ZC3H4: variants seen among roughly 807,000 people sequenced by gnomAD.
ZC3H4 encodes zinc finger CCCH-type containing 4.
ZC3H4 carries 13 observed loss-of-function variants against 108.3 expected under a neutral mutation model. The ratio of observed to expected loss-of-function variants is 0.12; its 90% CI spans 0.08 to 0.19. ZC3H4 has a LOEUF of 0.19. Among genes scored for constraint, ZC3H4 ranks in the 10% least tolerant of loss-of-function variants. The pLI is 1.00. For missense variants in ZC3H4, 1,734 were observed against 1,838.8 expected, an observed-to-expected ratio of 0.94 and a Z score of 1.04; for synonymous variants, 917 against 749.6, an observed-to-expected ratio of 1.22 and a Z score of -3.65.
At position 47,081,522 on chromosome 19, in the gene ZC3H4, G is replaced by C; in HGVS notation, c.1431C>G (p.Leu477=). Residue 477 remains leucine, a synonymous_variant, in exon 11 of 15, where the codon CTC becomes CTG. Coordinates refer to ENST00000253048, the MANE Select transcript of ZC3H4 (RefSeq NM_015168.2). ...TACCCCCGGACATTACCTTATCCAAGAGCTCCCTCGTCTCTTCGGTCAGAG... is the reference window on the plus strand; with the variant it reads ...TACCCCCGGACATTACCTTATCCAACAGCTCCCTCGTCTCTTCGGTCAGAG... The part of the protein sequence containing the change: ...HDPLTEETRE[L]LDKMLADDAE... 1 of 1,614,182 alleles carries C rather than the reference G, an allele frequency of 6.2e-7. No homozygotes were observed. Among genetic ancestry groups the C allele is most frequent in the East Asian group, 2.2e-5 (1 of 44,890 alleles).
In ZC3H4 at chr19:47,072,809, A is replaced by G. The variant is rs1468355107; in HGVS notation, c.1441-96T>C. The G allele has an allele frequency of 1.6e-5, 23 of 1,428,184 alleles. No individual in the cohort carries two copies. The East Asian group carries it at 5.1e-4, about 32-fold the overall frequency. The allele number at this position is 1,428,184 out of a possible 1,614,324, so 88.5% of individuals were successfully genotyped here. ...AGCTGAAGTTTATGAGGAAAAGTCC[A>G]TAATACAAGGACCTTGAGATCTAAA... is the stretch of plus-strand genomic sequence containing the variant. On this transcript the variant is annotated intron_variant, in intron 11 of 14. Transcript: ENST00000253048. The surrounding 1 kb of genome is among the most constrained non-coding windows in gnomAD (Gnocchi z 5.6).
chr19:47,102,054 C>G (rs2057911129), intron 2 of ZC3H4, among the ~76,000 whole-genome samples: 1 of 151,984 alleles, frequency 6.6e-6, no homozygotes. Flanking sequence ...AAAAAGAAAA[C>G]AAGAACTTCC....
intron 2 of ZC3H4, 92 bp downstream of exon 2, chr19:47,112,332 C>A (rs960967726): frequency 4.2e-6 from 5 of 1,192,900 alleles, no homozygotes; most frequent in Admixed American, 4.2e-5. Context: ...CCTCCTCCTC[C>A]GCGGCCCGGC....
intron 9 of ZC3H4, among the ~76,000 whole-genome samples, chr19:47,083,834 A>G (rs1255889247): frequency 6.6e-6 from 1 of 152,200 alleles, no homozygotes; most frequent in Non-Finnish European, 1.5e-5. Flanking sequence ...TGCCTGGGAT[A>G]CTGGGGTAAG....
At chr19:47,083,659 A>C (rs1377260715) in intron 9 of ZC3H4, among the ~76,000 whole-genome samples, 1 of 152,116 alleles carries the variant, frequency 6.6e-6, no homozygotes, top group Non-Finnish European at 1.5e-5. Context: ...CAGTGAGCCG[A>C]GATCACGCCA....
In ZC3H4 at chr19:47,067,981, C is replaced by A; in HGVS notation, c.2399-112G>T. On this transcript the variant is annotated intron_variant, in intron 14 of 14. Transcript: ENST00000253048. This position sits in a 1 kb window ranked among gnomAD's most constrained non-coding sequence, Gnocchi z 6.4. ...GCTCCTTTGCTTGTGCCTCTCAGAA[C>A]CTCAGGTCCTCCTCTCTAAGGCTCC... is the stretch of plus-strand genomic sequence containing the variant. The A allele has an allele frequency of 9.5e-7, 1 of 1,047,660 alleles. No individual in the cohort carries two copies. The highest frequency in any genetic ancestry group is 1.6e-5 in the African/African-American group (1 of 63,284). 64.9% of individuals were successfully genotyped at this position (1,047,660 alleles called of 1,614,324 possible). A position where few individuals can be genotyped will look rare whatever the true frequency, so the allele number is the denominator to read the frequency against.
At chr19:47,100,144 G>A (rs143076461) in intron 2 of ZC3H4, among the ~76,000 whole-genome samples, 22 of 152,262 alleles carry the variant, frequency 1.4e-4, no homozygotes, top group African/African-American at 4.1e-4. Flanking sequence ...GATTGAAGGC[G>A]CAGGGCCTTT....
chr19:47,089,864 C>T (rs1263267405), intron 5 of ZC3H4, 103 bp downstream of exon 5: 1 of 1,219,284 alleles, frequency 8.2e-7, no homozygotes, highest in Non-Finnish European at 1.2e-6. Context: ...ACACTTATCC[C>T]AACCCTAAGT....
chr19:47,102,347 G>C (rs1469332127), intron 2 of ZC3H4, among the ~76,000 whole-genome samples: 3 of 152,162 alleles, frequency 2.0e-5, no homozygotes, highest in East Asian at 3.8e-4. Flanking sequence ...TTGCTAAACA[G>C]GTCAACTGAC....
chr19:47,110,817 G>A (rs1232773871), intron 2 of ZC3H4: 3 of 745,664 alleles, frequency 4.0e-6, no homozygotes, highest in East Asian at 1.3e-4. Context: ...CTGGAGTCGG[G>A]CTGCGATGGG....
Position 47,094,489 on chromosome 19 carries a change from G to A in ZC3H4, c.281C>T (p.Ser94Leu), listed in dbSNP as rs774680532. 17 of 1,614,134 alleles carry A rather than the reference G, an allele frequency of 1.1e-5. No homozygotes were observed. Among genetic ancestry groups the A allele is most frequent in the African/African-American group, 4.0e-5 (3 of 75,026 alleles). The part of the protein sequence containing the change: ...KEKGEKHHSD[S>L]DEEKSHRRLK... ...TCTCCTGTGGGACTTCTCCTCATCCGAATCACTGTGATGCTTCTCCCCCTT... is the reference window on the plus strand; with the variant it reads ...TCTCCTGTGGGACTTCTCCTCATCCAAATCACTGTGATGCTTCTCCCCCTT... The change falls in exon 3 of 15, where the codon TCG (serine) becomes TTG (leucine). Residue 94 changes from serine to leucine, a missense_variant. Ser to Leu is a moderately radical substitution (Grantham distance 145). This residue lies in a region of ZC3H4 where 403 missense variants were observed against 457.0 expected (regional missense o/e 0.88). Coordinates refer to ENST00000253048, the MANE Select transcript of ZC3H4 (RefSeq NM_015168.2).
Position 47,082,268 on chromosome 19 carries a change from T to A in ZC3H4, c.1246A>T (p.Ile416Phe), listed in dbSNP as rs756190113. The change falls in exon 10 of 15, where the codon ATC (isoleucine) becomes TTC (phenylalanine). Residue 416 changes from isoleucine (I) to phenylalanine (F), a missense_variant. Coordinates refer to ENST00000253048, the MANE Select transcript of ZC3H4 (RefSeq NM_015168.2). The part of the protein sequence containing the change: ...WGDHCNFSHD[I>F]ELPKKRELCK... ...AGTTCTCGCTTCTTTGGGAGTTCGA[T>A]GTCATGGCTAAAATTACAGTGGTCT... The A allele has an allele frequency of 1.2e-6, 2 of 1,614,032 alleles. No individual in the cohort carries two copies. The highest frequency in any genetic ancestry group is 2.7e-5 in the African/African-American group (2 of 75,048).
At chr19:47,112,314 C>T in intron 2 of ZC3H4, 110 bp downstream of exon 2, 3 of 1,145,008 alleles carry the variant, frequency 2.6e-6, no homozygotes, top group Non-Finnish European at 3.3e-6. Context: ...CCTCCTCCTC[C>T]TCCTCCTCCT....
At chr19:47,078,942 G>A (rs1052229945) in intron 11 of ZC3H4, among the ~76,000 whole-genome samples, 7 of 151,454 alleles carry the variant, frequency 4.6e-5, no homozygotes, top group African/African-American at 7.3e-5. Flanking sequence ...CAGGAGAATC[G>A]CTTGAACCCA....
chr19:47,074,123 G>A (rs951920444), intron 11 of ZC3H4, among the ~76,000 whole-genome samples: 1 of 152,120 alleles, frequency 6.6e-6, no homozygotes, highest in African/African-American at 2.4e-5. Context: ...ACAGGGCCAG[G>A]ACCAGCTTCC....
chr19:47,068,535 G>A (rs1001433477), intron 14 of ZC3H4, among the ~76,000 whole-genome samples: 1 of 152,210 alleles, frequency 6.6e-6, no homozygotes, highest in East Asian at 1.9e-4. Context: ...GGGCCATCAG[G>A]GGAGCGGCCC....
At chr19:47,075,920 C>G (rs1046191830) in intron 11 of ZC3H4, among the ~76,000 whole-genome samples, 1 of 152,164 alleles carries the variant, frequency 6.6e-6, no homozygotes, top group Non-Finnish European at 1.5e-5. Context: ...CTGTCCCTGG[C>G]CCCTCCACCA....
At chr19:47,112,011 G>T in intron 2 of ZC3H4, 1 of 567,786 alleles carries the variant, frequency 1.8e-6, no homozygotes, top group Non-Finnish European at 2.2e-6. Context: ...GCCAGGCGAC[G>T]GGCAAGCGGG....
At chr19:47,110,183 T>C (rs748907614) in intron 2 of ZC3H4, among the ~76,000 whole-genome samples, 1 of 152,068 alleles carries the variant, frequency 6.6e-6, no homozygotes, top group Non-Finnish European at 1.5e-5. Context: ...AATGAGAAAA[T>C]TGGAGCTACT....
Sources: gnomAD v4.1 joint callset for allele counts (sites outside exome capture counted in the v4.1 genomes callset) on GRCh38, gnomAD v4.1.1 for gene constraint, gnomAD v4.1.1 regional missense constraint, Gnocchi (gnomAD v3.1) non-coding constraint, MANE v1.5 for transcripts, NCBI Gene and HGNC (gene_info 2026-07-23, HGNC 2026-07-21) for gene names.